The following RREB1 variants were observed in gnomAD, a reference collection of about 807,000 sequenced individuals.
RREB1 encodes the protein ras responsive element binding protein 1.
RREB1 carries 27 observed loss-of-function variants against 117.8 expected under a neutral mutation model. That is an observed-to-expected ratio of 0.23 (90% CI 0.17 to 0.32). The LOEUF (loss-of-function observed/expected upper bound fraction) is 0.32. Among genes scored for constraint, RREB1 ranks in the 10% least tolerant of loss-of-function variants. The pLI, the probability that RREB1 is intolerant of heterozygous loss-of-function variation, is 1.00. For synonymous variants in RREB1, 1,298 were observed against 1,026.7 expected (o/e 1.26, Z -5.05); for missense variants, 2,577 against 2,378.2 (o/e 1.08, Z -1.74).
At chr6:7,176,494 C>T (rs1764507141) in intron 1 of RREB1, among the ~76,000 whole-genome samples, 161 bp from the exon 2 acceptor site, 1 of 152,184 alleles carries the variant, frequency 6.6e-6, no homozygotes, top group South Asian at 2.1e-4. Flanking sequence ...AATGGGACAA[C>T]TCTGGATGGA....
At chr6:7,195,496 G>C (rs1765620726) in intron 6 of RREB1, among the ~76,000 whole-genome samples, 1 of 152,238 alleles carries the variant, frequency 6.6e-6, no homozygotes, top group Admixed American at 6.5e-5. Context: ...CTGTGGGCCT[G>C]TGTTACGTTA....
rs2113220405 is a variant in RREB1 at position 7,251,191 on chromosome 6, G to A, written c.*2223G>A. On this transcript the variant is annotated 3_prime_UTR_variant, in exon 13 of 13. Coordinates refer to ENST00000379938, the MANE Select transcript of RREB1 (RefSeq NM_001003699.4). The stretch of plus-strand genomic sequence containing the variant: ...TCGCAATAATCACTATTGATTTAAA[G>A]CTTTACTTAGCCTTGATCTGTACCC... The A allele has an allele frequency of 6.6e-6, 1 of 152,226 alleles. No individual in the cohort carries two copies. Among genetic ancestry groups the A allele is most frequent in the Admixed American group, 6.5e-5 (1 of 15,280 alleles). 9.4% of individuals were successfully genotyped at this position (152,226 alleles called of 1,614,324 possible).
chr6:7,187,713 C>CCTTAAG, intron 5 of RREB1, 190 bp downstream of exon 5: 1 of 297,550 alleles, frequency 3.4e-6, no homozygotes, highest in Admixed American at 4.9e-5. Flanking sequence ...AATTATTCTT[C>CCTTAAG]CTTAAGCACA....
intron 1 of RREB1, among the ~76,000 whole-genome samples, chr6:7,135,254 C>T (rs149188877): frequency 7.9e-5 from 12 of 152,296 alleles, no homozygotes; most frequent in Non-Finnish European, 1.6e-4. Flanking sequence ...CAATGATACC[C>T]ATGGGCAGCA....
chr6:7,148,089 G>A (rs148002664), intron 1 of RREB1, among the ~76,000 whole-genome samples: 107 of 152,312 alleles, frequency 7.0e-4, no homozygotes, highest in African/African-American at 2.4e-3. Context: ...GAGTGAGTGA[G>A]AGCCAGCAGG....
Position 7,220,421 on chromosome 6 carries a change from AT to A in RREB1, c.708-6036del, listed in dbSNP as rs111756816. Among the ~76,000 whole-genome samples the A allele has an allele frequency of 2.7e-3, 401 of 150,860 alleles. 3 individuals are homozygous for A. Among genetic ancestry groups the A allele is most frequent in the Middle Eastern group, 0.017 (5 of 294 alleles). ...TCATTTGGAGATTTTTCCACTGATG[AT>A]TTTTTTTTTCTTCCTAAAAGTAATG... On this transcript the variant is annotated intron_variant, in intron 8 of 12. Transcript: ENST00000379938.
chr6:7,224,061 T>A (rs1464055707), intron 8 of RREB1, among the ~76,000 whole-genome samples: 1 of 152,192 alleles, frequency 6.6e-6, no homozygotes, highest in Non-Finnish European at 1.5e-5. Flanking sequence ...GCTGTCAAAT[T>A]TAGGCTAGGT....
Position 7,176,664 on chromosome 6 carries a change from A to G in RREB1, c.-275A>G, listed in dbSNP as rs1764512641. ...TTTCTTATTTTTGTAGGTTGCTCCGACTGTGTGTTCCAGGAGTGGTGGCTC... is the reference window on the plus strand; with the variant it reads ...TTTCTTATTTTTGTAGGTTGCTCCGGCTGTGTGTTCCAGGAGTGGTGGCTC... On this transcript the variant is annotated 5_prime_UTR_variant, in exon 2 of 13. Coordinates refer to ENST00000379938, the MANE Select transcript of RREB1 (RefSeq NM_001003699.4). The G allele has an allele frequency of 6.5e-6, 1 of 152,832 alleles. No homozygotes were observed. The highest frequency in any genetic ancestry group is 1.5e-5 in the Non-Finnish European group (1 of 68,044). 9.5% of individuals were successfully genotyped at this position (152,832 alleles called of 1,614,324 possible). A position where few individuals can be genotyped will look rare whatever the true frequency, so the allele number is the denominator to read the frequency against.
At chr6:7,120,924 AT>A (rs1177111307) in intron 1 of RREB1, among the ~76,000 whole-genome samples, 1 of 145,540 alleles carries the variant, frequency 6.9e-6, no homozygotes, top group Non-Finnish European at 1.5e-5. Context: ...CGTTCAAGTG[AT>A]TCTCCCTCCT....
chr6:7,204,948 G>T (rs1018758189), intron 6 of RREB1, among the ~76,000 whole-genome samples: 6 of 152,180 alleles, frequency 3.9e-5, no homozygotes, highest in African/African-American at 1.4e-4. Flanking sequence ...GCCCCCAAAA[G>T]AATTTTAAGA....
intron 1 of RREB1, among the ~76,000 whole-genome samples, chr6:7,144,935 C>G (rs1762790612): frequency 6.6e-6 from 1 of 152,190 alleles, no homozygotes; most frequent in Non-Finnish European, 1.5e-5. Context: ...GTTATGAAGG[C>G]CCTGGGTTAC....
At chr6:7,201,877 T>G (rs192231447) in intron 6 of RREB1, among the ~76,000 whole-genome samples, 3 of 152,208 alleles carry the variant, frequency 2.0e-5, no homozygotes, top group Non-Finnish European at 4.4e-5. Context: ...TCCTCTCCAG[T>G]TTCTGTTGGT....
chr6:7,141,759 C>T (rs1762602955), intron 1 of RREB1, among the ~76,000 whole-genome samples: 1 of 152,202 alleles, frequency 6.6e-6, no homozygotes, highest in South Asian at 2.1e-4. Context: ...CAGACACTTG[C>T]CTGCGGCAAA....
Position 7,163,685 on chromosome 6 carries a change from C to T in RREB1, c.-284-12970C>T, listed in dbSNP as rs186325905. On this transcript the variant is annotated intron_variant, in intron 1 of 12. Transcript: ENST00000379938. ...CTGGGATTACAGGCGTGAGCCACCG[C>T]GCCTGGCACTTCAGCGTTTTAGTTG... Among the ~76,000 whole-genome samples the T allele has an allele frequency of 1.1e-3, 165 of 152,252 alleles. 5 individuals carry two copies. The highest frequency in any genetic ancestry group is 3.7e-3 in the African/African-American group (153 of 41,544).
Position 7,229,072 on chromosome 6 carries a change from T to C in RREB1, c.973T>C (p.Phe325Leu). The C allele has an allele frequency of 6.4e-7, 1 of 1,571,484 alleles. No individual in the cohort carries two copies. Among genetic ancestry groups the C allele is most frequent in the Non-Finnish European group, 8.7e-7 (1 of 1,153,828 alleles). ...TGTCTGCGACACCTGTGACAAGGCGTTCCCCATGCTCTGCTCACTGGCTCT... is the reference window on the plus strand; with the variant it reads ...TGTCTGCGACACCTGTGACAAGGCGCTCCCCATGCTCTGCTCACTGGCTCT... ...RFVCDTCDKAFPMLCSLALHK... is the reference protein window; with the variant it reads ...RFVCDTCDKALPMLCSLALHK... Residue 325 changes from phenylalanine (F) to leucine (L), a missense_variant, in exon 10 of 13, where the codon TTC (phenylalanine) becomes CTC (leucine). Physicochemically the swap from Phe to Leu is conservative, Grantham distance 22. Transcript: ENST00000379938. This position sits in a 1 kb window ranked among gnomAD's most constrained non-coding sequence, Gnocchi z 4.5.
At position 7,230,099 on chromosome 6, in the gene RREB1, G is replaced by A. The variant is rs1308837823; in HGVS notation, c.2000G>A (p.Gly667Asp). 1 of 1,602,054 alleles carries A rather than the reference G, an allele frequency of 6.2e-7. No individual in the cohort carries two copies. Among genetic ancestry groups the A allele is most frequent in the Non-Finnish European group, 8.5e-7 (1 of 1,173,780 alleles). Residue 667 changes from glycine to aspartate, a missense_variant, in exon 10 of 13, where the codon GGC (glycine) becomes GAC (aspartate). Transcript: ENST00000379938. The part of the protein sequence containing the change: ...VLRAHVRSHL[G>D]ISPYQCNICD... ...CGTGCCCACGTGCGCTCCCACCTGGGCATCTCGCCATACCAGTGCAACATC... is the reference window on the plus strand; with the variant it reads ...CGTGCCCACGTGCGCTCCCACCTGGACATCTCGCCATACCAGTGCAACATC...
chr6:7,211,609 A>G lies in RREB1; in HGVS notation c.607A>G (p.Lys203Glu), dbSNP rs1259127863. ...CGGGCAGTCAGGTGACTTGGAGAAGAAAGCTGATGAAGTCTTTCACTGCCC... is the reference window on the plus strand; with the variant it reads ...CGGGCAGTCAGGTGACTTGGAGAAGGAAGCTGATGAAGTCTTTCACTGCCC... The part of the protein sequence containing the change: ...EDGQSGDLEK[K>E]ADEVFHCPVC... The change falls in exon 8 of 13, where the codon AAA becomes GAA. Residue 203 changes from lysine (K) to glutamate (E), a missense_variant. Lys to Glu is a moderately conservative substitution (Grantham distance 56). Coordinates refer to ENST00000379938, the MANE Select transcript of RREB1 (RefSeq NM_001003699.4). 6.2e-7 allele frequency: 1 copy of G among 1,613,956 alleles called. No homozygotes were observed. Among genetic ancestry groups the G allele is most frequent in the Non-Finnish European group, 8.5e-7 (1 of 1,179,948 alleles).
chr6:7,137,082 C>T (rs1042849377), intron 1 of RREB1, among the ~76,000 whole-genome samples: 5 of 152,204 alleles, frequency 3.3e-5, no homozygotes, highest in Admixed American at 6.5e-5. Context: ...GATCTGGCGA[C>T]GGGAGTGCCT....
At chr6:7,162,321 A>G (rs184742816) in intron 1 of RREB1, among the ~76,000 whole-genome samples, 5 of 151,950 alleles carry the variant, frequency 3.3e-5, no homozygotes, top group Admixed American at 3.3e-4. Flanking sequence ...TCAGCAAATC[A>G]TCTGCTTTTT....
Sources: allele counts gnomAD v4.1 joint callset (sites outside exome capture counted in the v4.1 genomes callset), GRCh38; gene constraint gnomAD v4.1.1; non-coding constraint Gnocchi (gnomAD v3.1); transcripts MANE v1.5; gene names NCBI Gene and HGNC (gene_info 2026-07-23, HGNC 2026-07-21).